Variants in SLC30A3 observed in about 807,000 individuals in gnomAD.
SLC30A3 encodes the protein solute carrier family 30 member 3, also known as probable proton-coupled zinc antiporter SLC30A3.
SLC30A3 carries 20 observed loss-of-function variants against 35.6 expected under a neutral mutation model. The observed-to-expected ratio is 0.56, with a 90% confidence interval of 0.39 to 0.82. The LOEUF (loss-of-function observed/expected upper bound fraction) is 0.82. Among genes scored for constraint, SLC30A3 ranks in the 40% least tolerant of loss-of-function variants. The probability of loss-of-function intolerance (pLI) is 0.00; values close to 1 mark genes in which losing one functional copy is unlikely to be tolerated. For synonymous variants in SLC30A3, 217 were observed against 224.7 expected (o/e 0.97, Z 0.31); for missense variants, 401 against 530.6 (o/e 0.76, Z 2.40).
chr2:27,267,259 C>T (rs1157298524), upstream of SLC30A3, among the ~76,000 whole-genome samples: 1 of 152,206 alleles, frequency 6.6e-6, no homozygotes, highest in Non-Finnish European at 1.5e-5. Context: ...GCAATAGCCT[C>T]CTCCATGGTC....
intron 7 of SLC30A3, chr2:27,256,008 A>G: frequency 3.7e-6 from 1 of 268,252 alleles, no homozygotes; most frequent in Admixed American, 4.8e-5. Context: ...GTTGCTGTAC[A>G]GTCTTCACAA....
In SLC30A3 at chr2:27,255,204, G is replaced by A. The variant is rs777997143; in HGVS notation, c.*108C>T. 2.0e-5 allele frequency: 32 copies of A among 1,603,248 alleles called. No homozygotes were observed. The highest frequency in any genetic ancestry group is 2.6e-5 in the Non-Finnish European group (31 of 1,178,452). ...CTGGCAGGTGGTAGGAGGGAGAGAG[G>A]AAGGGGTATGGACCTGGCTCGGTCC... is the stretch of plus-strand genomic sequence containing the variant. On this transcript the variant is annotated 3_prime_UTR_variant, in exon 8 of 8. Transcript: ENST00000233535. The surrounding 1 kb of genome is among the most constrained non-coding windows in gnomAD (Gnocchi z 5.2).
chr2:27,257,318 G>T lies in SLC30A3; in HGVS notation c.613C>A (p.His205Asn), dbSNP rs148758588. Reference sequence around the variant, plus strand: ...TCTGCTCCCCTAGACCCGTGGCTGTGGGGGGGCCCAGCCTGGTGCAGCACA... The same window carrying T: ...TCTGCTCCCCTAGACCCGTGGCTGTTGGGGGGCCCAGCCTGGTGCAGCACA... ...AFVLHQAGPP[H>N]SHGSRGAEYA... The change falls in exon 5 of 8, where the codon CAC becomes AAC. Residue 205 changes from histidine to asparagine, a missense_variant. His to Asn is a moderately conservative substitution (Grantham distance 68). Coordinates refer to ENST00000233535, the MANE Select transcript of SLC30A3 (RefSeq NM_003459.5). This position sits in a 1 kb window ranked among gnomAD's most constrained non-coding sequence, Gnocchi z 4.7. 106 of 1,612,918 alleles carry T rather than the reference G, an allele frequency of 6.6e-5. No homozygotes were observed. Among genetic ancestry groups the T allele is most frequent in the Middle Eastern group, 1.6e-4 (1 of 6,076 alleles).
At chr2:27,267,227 A>C (rs1447707984), upstream of SLC30A3, among the ~76,000 whole-genome samples, 2 of 152,026 alleles carry the variant, frequency 1.3e-5, no homozygotes, top group East Asian at 3.9e-4. Context: ...CCAAACCACT[A>C]TCATCTGTCT....
upstream of SLC30A3, chr2:27,264,134 G>A (rs1677373698): frequency 8.8e-7 from 1 of 1,136,400 alleles, no homozygotes; most frequent in Admixed American, 2.3e-5. This position sits in a 1 kb window ranked among gnomAD's most constrained non-coding sequence, Gnocchi z 6.1. Context: ...AGCTGTGACA[G>A]TCTGTGAAGA....
In SLC30A3 at chr2:27,258,739, G is replaced by A. The variant is rs1449376935; in HGVS notation, c.277+14C>T. On this transcript the variant is annotated intron_variant, in intron 2 of 7. Coordinates refer to ENST00000233535, the MANE Select transcript of SLC30A3 (RefSeq NM_003459.5). This position sits in a 1 kb window ranked among gnomAD's most constrained non-coding sequence, Gnocchi z 4.0. ...ATTTGGAGAATGGGGTTTAAGGGCT[G>A]CTCCCCAACTTACCGACCACCTCCC... The A allele has an allele frequency of 1.2e-6, 2 of 1,613,664 alleles. No individual in the cohort carries two copies. The highest frequency in any genetic ancestry group is 1.7e-6 in the Non-Finnish European group (2 of 1,179,736).
upstream of SLC30A3, among the ~76,000 whole-genome samples, chr2:27,266,394 T>C (rs572125231): frequency 6.6e-6 from 1 of 152,320 alleles, no homozygotes; most frequent in African/African-American, 2.4e-5. Context: ...CTTCTCAATC[T>C]TTTCTTGCTG....
chr2:27,263,066 A>G, upstream of SLC30A3: 4 of 1,355,732 alleles, frequency 3.0e-6, no homozygotes. Flanking sequence ...CGGAGTCCGA[A>G]CTGCAGATCC....
In SLC30A3 at chr2:27,271,337, A is replaced by C. The variant is rs1677718783; in HGVS notation, c.-159+3840T>G. Reference sequence around the variant, plus strand: ...CAAGGGATGCTTCTTCGTTTTCTCCATGAGAGACCAAATGGCTCTGAGTGG... The same window carrying C: ...CAAGGGATGCTTCTTCGTTTTCTCCCTGAGAGACCAAATGGCTCTGAGTGG... On this transcript the variant is annotated intron_variant, in intron 1 of 5. Coordinates refer to the SLC30A3 transcript ENST00000424577. This position sits in a 1 kb window ranked among gnomAD's most constrained non-coding sequence, Gnocchi z 4.3. 6.6e-6 allele frequency among the ~76,000 whole-genome samples: 1 copy of C among 152,260 alleles called. No homozygotes were observed.
In SLC30A3 at chr2:27,262,734, G is replaced by T; in HGVS notation, c.95+78C>A. 1 of 1,361,386 alleles carries T rather than the reference G, an allele frequency of 7.3e-7. No individual in the cohort carries two copies. The highest frequency in any genetic ancestry group is 9.6e-7 in the Non-Finnish European group (1 of 1,039,528). The allele number at this position is 1,361,386 out of a possible 1,614,324, so 84.3% of individuals were successfully genotyped here. A position where few individuals can be genotyped will look rare whatever the true frequency, so the allele number is the denominator to read the frequency against. ...CGCTGGGGCGGCCGCCGGGGCCCGCGCCGAGAGAGACAACGAAATGGACGG... is the reference window on the plus strand; with the variant it reads ...CGCTGGGGCGGCCGCCGGGGCCCGCTCCGAGAGAGACAACGAAATGGACGG... On this transcript the variant is annotated intron_variant, in intron 1 of 7. Coordinates refer to ENST00000233535, the MANE Select transcript of SLC30A3 (RefSeq NM_003459.5). This position sits in a 1 kb window ranked among gnomAD's most constrained non-coding sequence, Gnocchi z 7.5.
At chr2:27,267,208 C>T (rs951516189), upstream of SLC30A3, among the ~76,000 whole-genome samples, 4 of 152,304 alleles carry the variant, frequency 2.6e-5, no homozygotes, top group African/African-American at 4.8e-5. Flanking sequence ...ATCCTGATCC[C>T]GCCCTTGTCC....
Position 27,257,360 on chromosome 2 carries a change from G to A in SLC30A3, c.579-8C>T, listed in dbSNP as rs778445484. Reference sequence around the variant, plus strand: ...TGCAGCACAAAGGCCATTCTGAGGGGTAAGCAGAGCACCTCAGCCTAGGGC... The same window carrying A: ...TGCAGCACAAAGGCCATTCTGAGGGATAAGCAGAGCACCTCAGCCTAGGGC... On this transcript the variant is annotated splice_region_variant and splice_polypyrimidine_tract_variant and intron_variant, in intron 4 of 7. Transcript: ENST00000233535. This position sits in a 1 kb window ranked among gnomAD's most constrained non-coding sequence, Gnocchi z 4.7. 28 of 1,603,838 alleles carry A rather than the reference G, an allele frequency of 1.7e-5. No homozygotes were observed. The highest frequency in any genetic ancestry group is 2.1e-5 in the Non-Finnish European group (25 of 1,175,472).
At chr2:27,264,153 C>T (rs2148140539), upstream of SLC30A3, 1 of 954,680 alleles carries the variant, frequency 1.0e-6, no homozygotes, top group African/African-American at 1.7e-5. This position sits in a 1 kb window ranked among gnomAD's most constrained non-coding sequence, Gnocchi z 6.1. Context: ...GAGGAGGGTC[C>T]GTAGGAGGAG....
intron 7 of SLC30A3, 123 bp downstream of exon 7, chr2:27,256,263 A>G: frequency 8.9e-7 from 1 of 1,125,324 alleles, no homozygotes. Context: ...TGAGAGAGAG[A>G]GACACAGAGA....
At position 27,258,492 on chromosome 2, in the gene SLC30A3, T is replaced by G; in HGVS notation, c.278-185A>C. On this transcript the variant is annotated intron_variant, in intron 2 of 7. Coordinates refer to ENST00000233535, the MANE Select transcript of SLC30A3 (RefSeq NM_003459.5). The surrounding 1 kb of genome is among the most constrained non-coding windows in gnomAD (Gnocchi z 4.0). ...TTTCATTCATCTGTATTTTATTTTC[T>G]ACAATGATTTATTTTAATAACAAGA... The G allele has an allele frequency of 1.5e-6, 1 of 675,754 alleles. No individual in the cohort carries two copies. Among genetic ancestry groups the G allele is most frequent in the South Asian group, 2.2e-5 (1 of 45,108 alleles). 41.9% of individuals were successfully genotyped at this position (675,754 alleles called of 1,614,324 possible).
chr2:27,266,577 T>C (rs1461741883), upstream of SLC30A3, among the ~76,000 whole-genome samples: 1 of 152,202 alleles, frequency 6.6e-6, no homozygotes, highest in Non-Finnish European at 1.5e-5. Flanking sequence ...TCTATTTTTG[T>C]ATGGGTTTGA....
At chr2:27,264,680 G>T (rs1677414645), upstream of SLC30A3, among the ~76,000 whole-genome samples, 1 of 148,672 alleles carries the variant, frequency 6.7e-6, no homozygotes, top group South Asian at 2.1e-4. The surrounding 1 kb of genome is among the most constrained non-coding windows in gnomAD (Gnocchi z 6.1). Context: ...CCCATGAGGG[G>T]TGAGGGGGTA....
intron 1 of SLC30A3, chr2:27,275,166 A>G: frequency 7.7e-7 from 1 of 1,303,242 alleles, no homozygotes; most frequent in Non-Finnish European, 1.0e-6. Context: ...AAGGGCATGC[A>G]GCAGCCATAC....
chr2:27,255,518 C>A lies in SLC30A3; in HGVS notation c.1019-58G>T. Reference sequence around the variant, plus strand: ...CCGGGGGAGAAAGAACAGGCAGGGACTGAGATAAGGACAGGGAAAGGGGCT... The same window carrying A: ...CCGGGGGAGAAAGAACAGGCAGGGAATGAGATAAGGACAGGGAAAGGGGCT... On this transcript the variant is annotated intron_variant, in intron 7 of 7. Transcript: ENST00000233535. The surrounding 1 kb of genome is among the most constrained non-coding windows in gnomAD (Gnocchi z 5.2). 2 of 1,584,590 alleles carry A rather than the reference C, an allele frequency of 1.3e-6. No homozygotes were observed. Among genetic ancestry groups the A allele is most frequent in the East Asian group, 2.3e-5 (1 of 44,250 alleles).
Sources: allele counts gnomAD v4.1 joint callset (sites outside exome capture counted in the v4.1 genomes callset), GRCh38; gene constraint gnomAD v4.1.1; non-coding constraint Gnocchi (gnomAD v3.1); transcripts MANE v1.5; gene names NCBI Gene and HGNC (gene_info 2026-07-23, HGNC 2026-07-21).